The following ATOSB variants were observed in gnomAD, a reference collection of about 807,000 sequenced individuals.
The protein encoded by ATOSB is atos homolog B.
chr9:35,104,628 G>T, the ATOSB span: 1 of 431,250 alleles, frequency 2.3e-6, no homozygotes, highest in Non-Finnish European at 4.8e-6. Context: ...TAGGTCAGAG[G>T]GTAGGGGAAG....
At chr9:35,108,511 A>C in the ATOSB span, 3 of 1,205,194 alleles carry the variant, frequency 2.5e-6, no homozygotes, top group Non-Finnish European at 3.2e-6. Context: ...TATAGAGACC[A>C]CTCTCAGAAC....
the ATOSB span, chr9:35,108,547 C>T: frequency 1.9e-5 from 24 of 1,234,292 alleles, no homozygotes; most frequent in African/African-American, 3.6e-4. Context: ...AGGTTTAGCT[C>T]AGGCTTCTTA....
the ATOSB span, chr9:35,107,405 C>G: frequency 6.2e-7 from 1 of 1,613,126 alleles, no homozygotes. Flanking sequence ...TGGGCCCAGG[C>G]AGCAGGTGGC....
the ATOSB span, chr9:35,106,658 G>A: frequency 6.5e-7 from 1 of 1,536,508 alleles, no homozygotes; most frequent in East Asian, 2.4e-5. The surrounding 1 kb of genome is among the most constrained non-coding windows in gnomAD (Gnocchi z 4.6). Context: ...TAGAGGAAGG[G>A]AAACACAGGG....
the ATOSB span, chr9:35,107,004 T>C: frequency 1.2e-5 from 11 of 923,658 alleles, no homozygotes; most frequent in Non-Finnish European, 1.7e-5. Context: ...CCTCCACCTT[T>C]ACCCACACAA....
chr9:35,106,334 G>A, the ATOSB span: 1 of 1,614,172 alleles, frequency 6.2e-7, no homozygotes, highest in Non-Finnish European at 8.5e-7. This position sits in a 1 kb window ranked among gnomAD's most constrained non-coding sequence, Gnocchi z 4.6. Context: ...GGGGCAGTAT[G>A]ACCCACTAGC....
At chr9:35,104,787 T>C in the ATOSB span, 1 of 186,150 alleles carries the variant, frequency 5.4e-6, no homozygotes, top group African/African-American at 2.4e-5. Flanking sequence ...GTTGGAGCAA[T>C]ATCTGAGAGT....
chr9:35,108,156 C>A, the ATOSB span: 73 of 1,581,004 alleles, frequency 4.6e-5, no homozygotes, highest in East Asian at 1.1e-4. Flanking sequence ...TGTCGCCCCC[C>A]CTGCTGGGCT....
the ATOSB span, chr9:35,104,596 C>T: frequency 4.6e-5 from 19 of 412,986 alleles, no homozygotes; most frequent in Middle Eastern, 3.4e-4. Flanking sequence ...CACACACATA[C>T]GCATAACTTG....
the ATOSB span, chr9:35,108,043 C>G: frequency 6.5e-7 from 1 of 1,537,276 alleles, no homozygotes. Context: ...CTCTTCAGCT[C>G]CCGGGGACCC....
At chr9:35,111,217 C>G in the ATOSB span, 1 of 152,966 alleles carries the variant, frequency 6.5e-6, no homozygotes, top group African/African-American at 2.4e-5. Context: ...GGGACAGGCC[C>G]CATACTATAC....
the ATOSB span, chr9:35,108,265 C>G: frequency 1.3e-6 from 2 of 1,550,020 alleles, no homozygotes; most frequent in Non-Finnish European, 1.7e-6. Context: ...TCCGCCTGCA[C>G]GTGGCGCATG....
chr9:35,106,778 C>T, the ATOSB span: 3 of 1,540,458 alleles, frequency 1.9e-6, no homozygotes, highest in African/African-American at 4.1e-5. This position sits in a 1 kb window ranked among gnomAD's most constrained non-coding sequence, Gnocchi z 4.6. Context: ...GGAAAGAGTA[C>T]AGACTTCTGC....
chr9:35,104,622 T>C, the ATOSB span: 1 of 429,410 alleles, frequency 2.3e-6, no homozygotes. Flanking sequence ...CAGAGATAGG[T>C]CAGAGGGTAG....
the ATOSB span, chr9:35,112,526 C>G: frequency 1.2e-4 from 19 of 152,382 alleles, no homozygotes; most frequent in Admixed American, 5.2e-4. Context: ...GGCAGCAGAA[C>G]CGGCATCCCT....
At chr9:35,116,156 C>T in the ATOSB span, 4 of 152,526 alleles carry the variant, frequency 2.6e-5, no homozygotes, top group Non-Finnish European at 1.5e-5. Context: ...AGGACCCGCC[C>T]CCTCGGATTC....
the ATOSB span, chr9:35,107,592 G>A: frequency 6.3e-6 from 10 of 1,586,508 alleles, no homozygotes; most frequent in Non-Finnish European, 8.6e-6. Flanking sequence ...GCCAGGGGGT[G>A]TGTGCTCGGG....
the ATOSB span, among the ~76,000 whole-genome samples, chr9:35,113,740 T>C: frequency 6.6e-6 from 1 of 152,176 alleles, no homozygotes; most frequent in East Asian, 1.9e-4. Flanking sequence ...CGGTTATCAC[T>C]ACTTGACTTC....
chr9:35,106,880 G>A, the ATOSB span: 1 of 1,570,144 alleles, frequency 6.4e-7, no homozygotes, highest in Non-Finnish European at 8.6e-7. The surrounding 1 kb of genome is among the most constrained non-coding windows in gnomAD (Gnocchi z 4.6). Context: ...TGGGACCGCA[G>A]TCTGTTGGGT....
Sources: gnomAD v4.1 joint callset for allele counts (sites outside exome capture counted in the v4.1 genomes callset) on GRCh38, gnomAD v4.1.1 for gene constraint, Gnocchi (gnomAD v3.1) non-coding constraint, MANE v1.5 for transcripts, NCBI Gene and HGNC (gene_info 2026-07-23, HGNC 2026-07-21) for gene names.